SLC30A4: variants seen among roughly 807,000 people sequenced by gnomAD.
SLC30A4 encodes the protein probable proton-coupled zinc antiporter SLC30A4.
In SLC30A4, 20 loss-of-function variants were observed where a neutral mutation model predicts 41.7. The ratio of observed to expected loss-of-function variants is 0.48; its 90% CI spans 0.34 to 0.70. The LOEUF (loss-of-function observed/expected upper bound fraction) is 0.70, where lower values mean the gene tolerates loss of function less well. Among genes scored for constraint, SLC30A4 ranks in the 30% least tolerant of loss-of-function variants. The pLI, the probability that SLC30A4 is intolerant of heterozygous loss-of-function variation, is 0.01. For missense variants in SLC30A4, 441 were observed against 529.3 expected (o/e 0.83, Z 1.64); for synonymous variants, 181 against 195.9 (o/e 0.92, Z 0.64).
At chr15:45,499,664 G>A (rs1258148939) in intron 3 of SLC30A4, among the ~76,000 whole-genome samples, 1 of 152,114 alleles carries the variant, frequency 6.6e-6, no homozygotes, top group Non-Finnish European at 1.5e-5. Flanking sequence ...GAGAACTTGT[G>A]GGATTTCTCC....
chr15:45,480,371 A>C lies in SLC30A4; in HGVS notation c.*4792T>G, dbSNP rs1891585515. ...AATATACCTGATTGGCAATCAGTAA[A>C]ACAAATCTCAAGACCTGGTTGTCAA... On this transcript the variant is annotated 3_prime_UTR_variant, in exon 8 of 8. Coordinates refer to ENST00000261867, the MANE Select transcript of SLC30A4 (RefSeq NM_013309.6). 1 of 152,226 alleles carries C rather than the reference A, an allele frequency of 6.6e-6. No homozygotes were observed. The highest frequency in any genetic ancestry group is 2.4e-5 in the African/African-American group (1 of 41,464). 9.4% of individuals were successfully genotyped at this position (152,226 alleles called of 1,614,324 possible).
intron 4 of SLC30A4, among the ~76,000 whole-genome samples, chr15:45,490,203 C>T (rs936025593): frequency 7.9e-5 from 12 of 152,136 alleles, no homozygotes; most frequent in African/African-American, 2.9e-4. Context: ...GTGACCTTCC[C>T]ACTTTAGCCT....
intron 2 of SLC30A4, among the ~76,000 whole-genome samples, chr15:45,515,185 C>T (rs1892429990): frequency 6.8e-6 from 1 of 146,406 alleles, no homozygotes; most frequent in South Asian, 2.2e-4. Context: ...CCGTGCTTGG[C>T]TTTTTTTTTT....
chr15:45,486,324 G>A (rs1427964717), intron 7 of SLC30A4, among the ~76,000 whole-genome samples: 2 of 152,100 alleles, frequency 1.3e-5, no homozygotes, highest in African/African-American at 4.8e-5. Context: ...TGCCAGTCAG[G>A]AAATATTCTT....
intron 6 of SLC30A4, 117 bp from the exon 7 acceptor site, chr15:45,486,862 A>G: frequency 1.8e-6 from 1 of 563,976 alleles, no homozygotes; most frequent in Non-Finnish European, 3.0e-6. Context: ...CTTTAAACAA[A>G]TACTTTAAAA....
At chr15:45,521,056 G>A (rs1383646778) in intron 2 of SLC30A4, 1 of 458,944 alleles carries the variant, frequency 2.2e-6, no homozygotes, top group Non-Finnish European at 4.5e-6. Flanking sequence ...TTCCCACATA[G>A]AACCCTCCAG....
chr15:45,509,366 G>T (rs1892229988), intron 3 of SLC30A4, among the ~76,000 whole-genome samples: 1 of 150,994 alleles, frequency 6.6e-6, no homozygotes, highest in South Asian at 2.1e-4. Context: ...CAGTTCTTCT[G>T]CCTCAGCTTC....
chr15:45,493,078 C>T (rs1437399003), intron 3 of SLC30A4, among the ~76,000 whole-genome samples: 1 of 152,086 alleles, frequency 6.6e-6, no homozygotes, highest in African/African-American at 2.4e-5. Flanking sequence ...TCAAGACCAG[C>T]CTGACCAACA....
At position 45,482,204 on chromosome 15, in the gene SLC30A4, GC is replaced by G. The variant is rs1476363355; in HGVS notation, c.*2958del. On this transcript the variant is annotated 3_prime_UTR_variant, in exon 8 of 8. Transcript: ENST00000261867. ...AGGCCGAGGTGGGCAGATCACTTGAGCTCAGGAGTTCAAGACCAGCCTGGGC... is the reference window on the plus strand; with the variant it reads ...AGGCCGAGGTGGGCAGATCACTTGAGTCAGGAGTTCAAGACCAGCCTGGGC... 6.6e-6 allele frequency: 1 copy of G among 152,232 alleles called. No individual in the cohort carries two copies. The highest frequency in any genetic ancestry group is 2.4e-5 in the African/African-American group (1 of 41,328). The allele number at this position is 152,232 out of a possible 1,614,324, so 9.4% of individuals were successfully genotyped here.
At chr15:45,493,522 T>C (rs1220962306) in intron 3 of SLC30A4, among the ~76,000 whole-genome samples, 2 of 152,028 alleles carry the variant, frequency 1.3e-5, no homozygotes, top group Admixed American at 6.5e-5. Context: ...AGACACCTAA[T>C]GTAGTTAAAA....
intron 3 of SLC30A4, among the ~76,000 whole-genome samples, chr15:45,497,562 A>G (rs1330865434): frequency 6.6e-6 from 1 of 152,212 alleles, no homozygotes; most frequent in African/African-American, 2.4e-5. Context: ...AATAAAAACT[A>G]AAATACACCC....
chr15:45,512,143 T>C (rs1283811483), intron 2 of SLC30A4, among the ~76,000 whole-genome samples: 1 of 152,200 alleles, frequency 6.6e-6, no homozygotes, highest in Middle Eastern at 3.2e-3. Flanking sequence ...TTTCCAGGCA[T>C]TTAATATATA....
chr15:45,522,598 A>G lies in SLC30A4; in HGVS notation c.-115+9T>C. On this transcript the variant is annotated intron_variant, in intron 1 of 7. Transcript: ENST00000261867. ...GGCTCCGCGAGGGGGCGGCACATCT[A>G]TTTAATACCTGGGGCGCTGCCGCGG... is the stretch of plus-strand genomic sequence containing the variant. The G allele has an allele frequency of 7.4e-6, 3 of 405,290 alleles. No homozygotes were observed. Among genetic ancestry groups the G allele is most frequent in the Non-Finnish European group, 1.3e-5 (3 of 230,142 alleles). The allele number at this position is 405,290 out of a possible 1,614,324, so 25.1% of individuals were successfully genotyped here.
At chr15:45,505,766 C>G (rs1303575931) in intron 3 of SLC30A4, among the ~76,000 whole-genome samples, 1 of 152,018 alleles carries the variant, frequency 6.6e-6, no homozygotes, top group Non-Finnish European at 1.5e-5. Context: ...CTTATGTTTT[C>G]AAAAGGAAGT....
At chr15:45,505,266 A>G (rs1181231609) in intron 3 of SLC30A4, among the ~76,000 whole-genome samples, 3 of 150,560 alleles carry the variant, frequency 2.0e-5, no homozygotes, top group Non-Finnish European at 4.4e-5. Context: ...GAAAGAAAAG[A>G]AAAAAAAAGG....
At chr15:45,502,897 G>A (rs988767160) in intron 3 of SLC30A4, 2 of 152,030 alleles carry the variant, frequency 1.3e-5, no homozygotes, top group Admixed American at 1.3e-4. Context: ...TGGAGGCTGC[G>A]AGGGTAAGAT....
chr15:45,508,957 T>C (rs1055957101), intron 3 of SLC30A4, among the ~76,000 whole-genome samples: 1 of 152,164 alleles, frequency 6.6e-6, no homozygotes, highest in African/African-American at 2.4e-5. Flanking sequence ...TGTTATTGCA[T>C]GTTTCTGAGG....
At chr15:45,491,522 T>C (rs948731238) in intron 3 of SLC30A4, among the ~76,000 whole-genome samples, 1 of 152,066 alleles carries the variant, frequency 6.6e-6, no homozygotes, top group African/African-American at 2.4e-5. Flanking sequence ...AGCCCATGAG[T>C]TTGAGATCAG....
intron 2 of SLC30A4, among the ~76,000 whole-genome samples, chr15:45,513,108 T>C (rs1246323499): frequency 6.6e-6 from 1 of 151,474 alleles, no homozygotes; most frequent in Non-Finnish European, 1.5e-5. Context: ...GAGACCAGAC[T>C]GGGCAACATG....
Sources: gnomAD v4.1 joint callset for allele counts (sites outside exome capture counted in the v4.1 genomes callset) on GRCh38, gnomAD v4.1.1 for gene constraint, MANE v1.5 for transcripts, NCBI Gene and HGNC (gene_info 2026-07-23, HGNC 2026-07-21) for gene names.